TRPM3: variants seen among roughly 807,000 people sequenced by gnomAD.
TRPM3 encodes the protein long transient receptor potential channel 3.
Under a neutral mutation model 181.2 loss-of-function variants are expected in TRPM3, and 77 were observed. The observed-to-expected ratio is 0.42, with a 90% CI of 0.35 to 0.51. The LOEUF (loss-of-function observed/expected upper bound fraction) is 0.51, where lower values mean the gene tolerates loss of function less well. Among genes scored for constraint, TRPM3 ranks in the 20% least tolerant of loss-of-function variants. The pLI is 0.01. For missense variants in TRPM3, 1,759 were observed against 2,196.7 expected (o/e 0.80, Z 3.98); for synonymous variants, 745 against 796.4 (o/e 0.94, Z 1.09).
chr9:71,185,579 C>T (rs1351383752), intron 1 of TRPM3, among the ~76,000 whole-genome samples: 1 of 152,082 alleles, frequency 6.6e-6, no homozygotes, highest in East Asian at 1.9e-4. Flanking sequence ...TTGAACAAAG[C>T]TTCTCCTGGA....
intron 1 of TRPM3, among the ~76,000 whole-genome samples, chr9:71,286,912 T>A (rs2085317347): frequency 8.6e-6 from 1 of 116,108 alleles, no homozygotes. Flanking sequence ...AGAAGCATTC[T>A]TTGACCACGA....
intron 1 of TRPM3, among the ~76,000 whole-genome samples, chr9:70,942,142 T>C (rs2096891766): frequency 6.6e-6 from 1 of 152,210 alleles, no homozygotes; most frequent in South Asian, 2.1e-4. Flanking sequence ...TCAACTGAGA[T>C]ATTTTCCAGA....
intron 9 of TRPM3, among the ~76,000 whole-genome samples, chr9:70,674,561 T>A (rs1001885797): frequency 6.6e-6 from 1 of 151,872 alleles, no homozygotes; most frequent in Non-Finnish European, 1.5e-5. Context: ...ATTATATATA[T>A]AATTTTTTTT....
rs71367227 is a variant in TRPM3, at chr9:70,786,311, C to CAA, written c.974-2034_974-2033dup. ...GAAACCCTGTCACTACTAAAAATACCAAAAAAAAAAAAAAAAAAAAAAAAT... is the reference window on the plus strand; with the variant it reads ...GAAACCCTGTCACTACTAAAAATACCAAAAAAAAAAAAAAAAAAAAAAAAAAT... On this transcript the variant is annotated intron_variant, in intron 6 of 25. Transcript: ENST00000677713. Among the ~76,000 whole-genome samples, 448 of 54,440 alleles carry CAA rather than the reference C, an allele frequency of 8.2e-3. 6 individuals carry two copies. The highest frequency in any genetic ancestry group is 0.052 in the Middle Eastern group (3 of 58). 35.7% of individuals were successfully genotyped at this position (54,440 alleles called of 152,430 possible).
intron 1 of TRPM3, among the ~76,000 whole-genome samples, chr9:70,877,418 G>A (rs1564667206): frequency 6.6e-6 from 1 of 152,008 alleles, no homozygotes. Context: ...TCATAACCTG[G>A]GATGGGAGTT....
Position 70,820,352 on chromosome 9 carries a change from C to A in TRPM3, c.973+7495G>T, listed in dbSNP as rs139981525. Among the ~76,000 whole-genome samples, 27 of 152,202 alleles carry A rather than the reference C, an allele frequency of 1.8e-4. 1 individual carries two copies. Among genetic ancestry groups the A allele is most frequent in the Admixed American group, 1.2e-3 (18 of 15,292 alleles). ...TAAGACTTCTCTTTAACAAGCAGAGCCAGGTTATGATTTGTTATAGGACTT... is the reference window on the plus strand; with the variant it reads ...TAAGACTTCTCTTTAACAAGCAGAGACAGGTTATGATTTGTTATAGGACTT... On this transcript the variant is annotated intron_variant, in intron 6 of 25. Coordinates refer to ENST00000677713, the MANE Select transcript of TRPM3 (RefSeq NM_001366145.2).
rs761329988 is a variant in TRPM3, at chr9:70,635,239, A to G, written c.1604T>C (p.Leu535Ser). ...YNTRHGPSNT[L>S]YHLVRDVKKR... ...TTTGACATCCCTGACCAAGTGGTAC[A>G]ATGTATTTGAGGGCCCATGTCTCTG... Residue 535 changes from leucine (L) to serine (S), a missense_variant, in exon 12 of 26, where the codon TTG becomes TCG. Coordinates refer to ENST00000677713, the MANE Select transcript of TRPM3 (RefSeq NM_001366145.2). 2 of 1,613,944 alleles carry G rather than the reference A, an allele frequency of 1.2e-6. No individual in the cohort carries two copies. Among genetic ancestry groups the G allele is most frequent in the Non-Finnish European group, 1.7e-6 (2 of 1,179,914 alleles).
intron 6 of TRPM3, among the ~76,000 whole-genome samples, chr9:70,801,676 G>A (rs1253243905): frequency 1.4e-5 from 2 of 139,498 alleles, no homozygotes; most frequent in South Asian, 2.2e-4. Flanking sequence ...AATCACTCGA[G>A]TATTTAACCT....
At chr9:71,430,382 T>C (rs1241552338) in intron 1 of TRPM3, among the ~76,000 whole-genome samples, 2 of 152,216 alleles carry the variant, frequency 1.3e-5, no homozygotes, top group Admixed American at 6.5e-5. Flanking sequence ...TGGGAAAGAA[T>C]GGATGGAAAT....
At chr9:70,567,852 G>A (rs1461209527) in intron 22 of TRPM3, among the ~76,000 whole-genome samples, 5 of 152,132 alleles carry the variant, frequency 3.3e-5, no homozygotes, top group Non-Finnish European at 2.9e-5. Context: ...TCTACATCTT[G>A]TGCAACTATT....
intron 1 of TRPM3, among the ~76,000 whole-genome samples, chr9:71,090,543 C>G (rs1040685677): frequency 2.0e-5 from 3 of 152,154 alleles, no homozygotes; most frequent in African/African-American, 7.2e-5. Context: ...CCCTAAGAGA[C>G]GCTTCCCAGA....
chr9:70,782,932 C>T (rs1200826077), intron 7 of TRPM3, among the ~76,000 whole-genome samples: 1 of 152,018 alleles, frequency 6.6e-6, no homozygotes, highest in Admixed American at 6.6e-5. Context: ...GAGTACTGGG[C>T]TGCTGTCAAA....
intron 1 of TRPM3, among the ~76,000 whole-genome samples, chr9:71,388,495 T>C (rs1488456482): frequency 6.6e-6 from 1 of 152,136 alleles, no homozygotes; most frequent in Non-Finnish European, 1.5e-5. Context: ...CAATGTAAGA[T>C]GCACAAAGGA....
intron 1 of TRPM3, among the ~76,000 whole-genome samples, chr9:71,120,868 A>G (rs539545261): frequency 4.5e-4 from 69 of 152,266 alleles, no homozygotes; most frequent in African/African-American, 1.6e-3. Context: ...CTCCCAAAGA[A>G]GTTAATTAAT....
chr9:71,058,524 T>A (rs1049734017), intron 1 of TRPM3, among the ~76,000 whole-genome samples: 1 of 152,048 alleles, frequency 6.6e-6, no homozygotes, highest in African/African-American at 2.4e-5. Context: ...ATGTATCTTG[T>A]ACCAGTTTCC....
intron 1 of TRPM3, among the ~76,000 whole-genome samples, chr9:71,000,145 G>A (rs17520103): frequency 0.083 from 12,577 of 152,234 alleles, 693 homozygotes; most frequent in Non-Finnish European, 0.13. Flanking sequence ...TCAGCATAAT[G>A]TATCCCATTG....
intron 1 of TRPM3, among the ~76,000 whole-genome samples, chr9:70,962,345 G>A (rs2133832190): frequency 6.6e-6 from 1 of 152,126 alleles, no homozygotes; most frequent in Non-Finnish European, 1.5e-5. Flanking sequence ...AAATATTATA[G>A]GATCTGCCTG....
At chr9:71,035,511 G>GT in intron 1 of TRPM3, among the ~76,000 whole-genome samples, 1 of 152,336 alleles carries the variant, frequency 6.6e-6, no homozygotes, top group Admixed American at 6.5e-5. Context: ...GAGGCCAGGA[G>GT]TTTGAGACCT....
intron 21 of TRPM3, 148 bp from the exon 22 acceptor site, chr9:70,591,353 G>T: frequency 1.5e-6 from 1 of 653,094 alleles, no homozygotes; most frequent in Non-Finnish European, 2.7e-6. Context: ...GTTGTGTCCA[G>T]ATAAGAAGAT....
Sources: allele counts gnomAD v4.1 joint callset (sites outside exome capture counted in the v4.1 genomes callset), GRCh38; gene constraint gnomAD v4.1.1; transcripts MANE v1.5; gene names NCBI Gene and HGNC (gene_info 2026-07-23, HGNC 2026-07-21).